Variants in DHX57 observed in about 807,000 individuals in gnomAD.
The protein encoded by DHX57 is putative ATP-dependent RNA helicase DHX57.
DHX57 carries 105 observed loss-of-function variants against 156.2 expected under a neutral mutation model. The ratio of observed to expected loss-of-function variants is 0.67; its 90% CI spans 0.57 to 0.79. The LOEUF (loss-of-function observed/expected upper bound fraction) is 0.79. Ranked by LOEUF, DHX57 falls within the 30% of genes least tolerant of loss-of-function variation. DHX57 has a pLI of 0.00. For synonymous variants in DHX57, 704 were observed against 595.6 expected (o/e 1.18, Z -2.65); for missense variants, 1,847 against 1,661.9 (o/e 1.11, Z -1.94).
rs374119423 is a variant in DHX57 at position 38,855,125 on chromosome 2, C to A, written c.1837G>T (p.Val613Phe). ...RISAISVAER[V>F]AKERAERVGL... ...ACCCTCTCTGCTCTTTCTTTAGCAA[C>A]GCGTTCAGCAACAGAGATTGCAGAG... The change falls in exon 8 of 24, where the codon GTT becomes TTT. Residue 613 changes from valine to phenylalanine, a missense_variant. By Grantham distance (50) the Val-to-Phe change is conservative. Coordinates refer to ENST00000457308, the MANE Select transcript of DHX57 (RefSeq NM_198963.3). The A allele has an allele frequency of 1.2e-6, 2 of 1,613,972 alleles. No homozygotes were observed. The highest frequency in any genetic ancestry group is 1.7e-6 in the Non-Finnish European group (2 of 1,180,038).
At chr2:38,807,639 G>A (rs1261504324) in intron 21 of DHX57, among the ~76,000 whole-genome samples, 2 of 151,582 alleles carry the variant, frequency 1.3e-5, no homozygotes, top group Non-Finnish European at 1.5e-5. Context: ...TTACAGGTGT[G>A]AGCCACTGCG....
chr2:38,863,104 A>G, intron 3 of DHX57: 1 of 374,470 alleles, frequency 2.7e-6, no homozygotes, highest in South Asian at 4.7e-5. Flanking sequence ...TTACAGATAA[A>G]TCAGTTACTG....
intron 6 of DHX57, 192 bp from the exon 7 acceptor site, chr2:38,856,653 G>T: frequency 1.7e-6 from 1 of 587,066 alleles, no homozygotes; most frequent in Non-Finnish European, 2.7e-6. Context: ...ACAGGTGTGT[G>T]CCACTATACC....
chr2:38,860,245 T>G (rs1023796205), intron 5 of DHX57, among the ~76,000 whole-genome samples: 12 of 151,680 alleles, frequency 7.9e-5, no homozygotes, highest in African/African-American at 2.9e-4. Flanking sequence ...AGGTCAGGAG[T>G]TCAAGACCAG....
Position 38,802,919 on chromosome 2 carries a change from T to A in DHX57, c.3817-4A>T. ...AGGGGCTGTCAAAGTGTCTCACCTG[T>A]AACAAAAAACCTCAGATGATGACAG... On this transcript the variant is annotated splice_region_variant and splice_polypyrimidine_tract_variant and intron_variant, in intron 22 of 23. Coordinates refer to ENST00000457308, the MANE Select transcript of DHX57 (RefSeq NM_198963.3). 1 of 1,613,524 alleles carries A rather than the reference T, an allele frequency of 6.2e-7. No homozygotes were observed. The highest frequency in any genetic ancestry group is 8.5e-7 in the Non-Finnish European group (1 of 1,179,864).
chr2:38,839,001 G>A (rs1417316842), intron 12 of DHX57, among the ~76,000 whole-genome samples: 4 of 151,032 alleles, frequency 2.6e-5, no homozygotes, highest in East Asian at 2.0e-4. Flanking sequence ...GTGTGATCTC[G>A]GCTCACTGCA....
chr2:38,836,826 C>T (rs1391626231), intron 13 of DHX57, among the ~76,000 whole-genome samples: 1 of 146,378 alleles, frequency 6.8e-6, no homozygotes, highest in Non-Finnish European at 1.5e-5. Flanking sequence ...GTATGTAATA[C>T]ATATGACATA....
chr2:38,806,401 G>C, intron 22 of DHX57, 158 bp downstream of exon 22: 1 of 780,400 alleles, frequency 1.3e-6, no homozygotes, highest in South Asian at 2.7e-5. Flanking sequence ...TCCAGAAATA[G>C]TCCAATTTCC....
chr2:38,807,857 G>T (rs1234743445), intron 21 of DHX57, among the ~76,000 whole-genome samples: 2 of 150,834 alleles, frequency 1.3e-5, no homozygotes, highest in East Asian at 3.9e-4. Flanking sequence ...TGTTGGTCAG[G>T]CTGGTCTCGA....
At chr2:38,839,558 A>C (rs1372336840) in intron 12 of DHX57, among the ~76,000 whole-genome samples, 1 of 39,276 alleles carries the variant, frequency 2.5e-5, no homozygotes, top group Non-Finnish European at 4.7e-5. Flanking sequence ...CTAAAAATAC[A>C]AAAAAAAAAA....
intron 19 of DHX57, 110 bp from the exon 20 acceptor site, chr2:38,815,765 G>A: frequency 2.3e-6 from 3 of 1,329,722 alleles, no homozygotes; most frequent in Non-Finnish European, 3.1e-6. Context: ...TAGCAATGAG[G>A]CTCAAGTGGA....
chr2:38,813,800 C>A, intron 21 of DHX57, 21 bp downstream of exon 21: 1 of 1,612,716 alleles, frequency 6.2e-7, no homozygotes, highest in Non-Finnish European at 8.5e-7. Flanking sequence ...ATGGAAAGAT[C>A]TAGGAAAAAT....
intron 23 of DHX57, among the ~76,000 whole-genome samples, chr2:38,798,876 G>T (rs1003411575): frequency 6.6e-6 from 1 of 152,180 alleles, no homozygotes; most frequent in Non-Finnish European, 1.5e-5. Flanking sequence ...CCAGGAGGTG[G>T]AGGTTGCAGT....
In DHX57 at chr2:38,854,081, T is replaced by A; in HGVS notation, c.2003A>T (p.Asp668Val). 6.2e-7 allele frequency: 1 copy of A among 1,613,684 alleles called. No individual in the cohort carries two copies. Among genetic ancestry groups the A allele is most frequent in the Non-Finnish European group, 8.5e-7 (1 of 1,179,790 alleles). ...ALQGVSHIIVDEVHERTEESD... is the reference protein window; with the variant it reads ...ALQGVSHIIVVEVHERTEESD... ...TTCTTCTGTCCTCTCATGAACTTCA[T>A]CAACAATGATATGGGAAACTCCTTG... Residue 668 changes from aspartate (D) to valine (V), a missense_variant, in exon 9 of 24, where the codon GAT becomes GTT. Transcript: ENST00000457308.
intron 21 of DHX57, chr2:38,811,441 ACTC>A (rs1670243696): frequency 3.3e-6 from 2 of 611,228 alleles, no homozygotes; most frequent in East Asian, 6.6e-5. Flanking sequence ...GGCCAGATGA[ACTC>A]CTCCACGAAC....
chr2:38,866,692 G>A (rs972841997), intron 2 of DHX57, among the ~76,000 whole-genome samples: 1 of 152,140 alleles, frequency 6.6e-6, no homozygotes, highest in African/African-American at 2.4e-5. Context: ...CTTACCAAAT[G>A]AATGAACATC....
chr2:38,861,006 AATTTG>A lies in DHX57; in HGVS notation c.1399_1403del (p.Gln467SerfsTer4). The stretch of plus-strand genomic sequence containing the variant: ...GATCAATGCCTTACATACCTTCTGG[AATTTG>A]ATTAGAAACAAAAGAATTATTTGGA... On this transcript the variant is annotated frameshift_variant, in exon 5 of 24. Transcript: ENST00000457308. LOFTEE classifies it high-confidence loss of function. 6.2e-7 allele frequency: 1 copy of A among 1,612,724 alleles called. No individual in the cohort carries two copies. Among genetic ancestry groups the A allele is most frequent in the Non-Finnish European group, 8.5e-7 (1 of 1,179,108 alleles).
At chr2:38,854,032 C>T in intron 9 of DHX57, 22 bp downstream of exon 9, 1 of 1,590,244 alleles carries the variant, frequency 6.3e-7, no homozygotes, top group Non-Finnish European at 8.6e-7. Flanking sequence ...GTGTGTGTTC[C>T]CTGGGAAAGT....
chr2:38,802,915 C>T lies in DHX57; in HGVS notation c.3817G>A (p.Val1273Met), dbSNP rs376956942. 1.7e-5 allele frequency: 27 copies of T among 1,613,884 alleles called. No homozygotes were observed. The highest frequency in any genetic ancestry group is 1.6e-4 in the Middle Eastern group (1 of 6,084). ...AGGTAGGGGCTGTCAAAGTGTCTCA[C>T]CTGTAACAAAAAACCTCAGATGATG... Reference protein sequence around the residue: ...HIHPSSVNYQVRHFDSPYLLY... With the variant: ...HIHPSSVNYQMRHFDSPYLLY... Residue 1273 changes from valine (V) to methionine (M), a missense_variant and splice_region_variant, in exon 23 of 24, where the codon GTG becomes ATG. Coordinates refer to ENST00000457308, the MANE Select transcript of DHX57 (RefSeq NM_198963.3).
Sources: gnomAD v4.1 joint callset for allele counts (sites outside exome capture counted in the v4.1 genomes callset) on GRCh38, gnomAD v4.1.1 for gene constraint, MANE v1.5 for transcripts, NCBI Gene and HGNC (gene_info 2026-07-23, HGNC 2026-07-21) for gene names.